The following DPP6 variants were observed in gnomAD, a reference collection of about 807,000 sequenced individuals.
DPP6 encodes A-type potassium channel modulatory protein DPP6.
In DPP6, 69 loss-of-function variants were observed where a neutral mutation model predicts 122.6. That is an observed-to-expected ratio of 0.56 (90% CI 0.46 to 0.69). DPP6 has a LOEUF of 0.69. DPP6 is among the 30% of genes least tolerant of loss of function. DPP6 has a pLI of 0.00. For synonymous variants in DPP6, 418 were observed against 433.1 expected (o/e 0.97, Z 0.43); for missense variants, 928 against 1,116.9 (o/e 0.83, Z 2.41).
At chr7:153,844,342 T>C in the DPP6 span, among the ~76,000 whole-genome samples, 6,807 of 152,252 alleles carry the variant, frequency 0.045, 340 homozygotes, top group East Asian at 0.24. Flanking sequence ...TTGAAGAATA[T>C]TTTTTTCCAA....
chr7:154,654,544 G>A (rs1837118218), intron 6 of DPP6, among the ~76,000 whole-genome samples: 1 of 151,822 alleles, frequency 6.6e-6, no homozygotes, highest in Admixed American at 6.6e-5. Context: ...TCAGCCTCCT[G>A]AGTAGCTGGG....
rs183350729 is a variant in DPP6, at chr7:153,982,983, C to G, written c.51+95249C>G. On this transcript the variant is annotated intron_variant, in intron 1 of 25. Transcript: ENST00000404039. ...CTCTCCTGTATGAGGTGTCTATCGA[C>G]CTCTGCTGGGAGGTGTCTCCCCGTC... Among the ~76,000 whole-genome samples the G allele has an allele frequency of 3.9e-3, 593 of 152,320 alleles. 3 individuals are homozygous for G. The highest frequency in any genetic ancestry group is 0.013 in the African/African-American group (558 of 41,578).
intron 2 of DPP6, among the ~76,000 whole-genome samples, chr7:154,456,143 A>G (rs1820808838): frequency 6.6e-6 from 1 of 152,208 alleles, no homozygotes; most frequent in Admixed American, 6.5e-5. Flanking sequence ...AATTCTGTAA[A>G]ATGAACTAAG....
intron 7 of DPP6, among the ~76,000 whole-genome samples, chr7:154,684,408 A>G (rs1839473291): frequency 2.0e-5 from 3 of 152,230 alleles, no homozygotes. Flanking sequence ...GACTGTTAGT[A>G]AGCATTAAAT....
rs553755873 is a variant in DPP6, at chr7:154,455,201, T to C, written c.358+8873T>C. ...ACTTCCTCTGTCATGGAGGAAATAGTTTTCTGAGTAGTTCCTTTCGGTTCC... is the reference window on the plus strand; with the variant it reads ...ACTTCCTCTGTCATGGAGGAAATAGCTTTCTGAGTAGTTCCTTTCGGTTCC... On this transcript the variant is annotated intron_variant, in intron 2 of 25. Transcript: ENST00000377770. Among the ~76,000 whole-genome samples the C allele has an allele frequency of 2.0e-5, 3 of 152,218 alleles. No homozygotes were observed. In the South Asian group the frequency reaches 6.2e-4, roughly 32 times the overall value.
intron 16 of DPP6, among the ~76,000 whole-genome samples, chr7:154,835,035 G>A (rs968696477): frequency 1.3e-5 from 2 of 152,174 alleles, no homozygotes; most frequent in Admixed American, 1.3e-4. Context: ...ACCAAATGGA[G>A]CTCTTCTGAC....
chr7:153,874,252 GCACACACACACACA>G, the DPP6 span, among the ~76,000 whole-genome samples: 3 of 150,092 alleles, frequency 2.0e-5, no homozygotes, highest in Admixed American at 2.0e-4. Context: ...GTGCGCACAT[GCACACACACACACA>G]CACACACACA....
chr7:154,683,617 A>G (rs1327628316), intron 7 of DPP6, among the ~76,000 whole-genome samples: 2 of 152,158 alleles, frequency 1.3e-5, no homozygotes. Context: ...ATGCAAATAT[A>G]ATCATGTCCA....
At chr7:153,846,938 C>T in the DPP6 span, among the ~76,000 whole-genome samples, 3 of 152,062 alleles carry the variant, frequency 2.0e-5, no homozygotes, top group East Asian at 1.9e-4. Context: ...CCGCCCGCCT[C>T]GGCCTCCCAA....
rs772492779 is a variant in DPP6 at position 154,892,699 on chromosome 7, C to T, written c.*219C>T. On this transcript the variant is annotated 3_prime_UTR_variant, in exon 26 of 26. Coordinates refer to ENST00000377770, the MANE Select transcript of DPP6 (RefSeq NM_130797.4). ...TCCATGGCACCAGGGACAACGCTGT[C>T]CCCGCAGCAGCGCCTCCTCCCGGCG... The T allele has an allele frequency of 2.0e-6, 2 of 1,004,364 alleles. No individual in the cohort carries two copies. The highest frequency in any genetic ancestry group is 3.5e-5 in the Admixed American group (2 of 57,154). 62.2% of individuals were successfully genotyped at this position (1,004,364 alleles called of 1,614,324 possible). A position where few individuals can be genotyped will look rare whatever the true frequency, so the allele number is the denominator to read the frequency against.
Position 154,837,687 on chromosome 7 carries a change from T to C in DPP6, c.1667-16093T>C, listed in dbSNP as rs1200440809. Among the ~76,000 whole-genome samples, 6 of 152,242 alleles carry C rather than the reference T, an allele frequency of 3.9e-5. No individual in the cohort carries two copies. In the South Asian group the frequency reaches 8.3e-4, roughly 21 times the overall value. ...TTGTATAGTGTGGCCCTTTATCTTCTGAAAGAATGAGACTTTGTGTTCCGC... is the reference window on the plus strand; with the variant it reads ...TTGTATAGTGTGGCCCTTTATCTTCCGAAAGAATGAGACTTTGTGTTCCGC... On this transcript the variant is annotated intron_variant, in intron 16 of 25. Coordinates refer to ENST00000377770, the MANE Select transcript of DPP6 (RefSeq NM_130797.4).
In DPP6 at chr7:154,727,824, C is replaced by G; in HGVS notation, c.820C>G (p.Arg274Gly). Reference protein sequence around the residue: ...YCAHVGKQAIRVVSTGKEGVI... With the variant: ...YCAHVGKQAIGVVSTGKEGVI... ...TGCACATGTCGGGAAACAGGCCATCCGTGTGGTCTCCACTGGCAAGGAAGG... is the reference window on the plus strand; with the variant it reads ...TGCACATGTCGGGAAACAGGCCATCGGTGTGGTCTCCACTGGCAAGGAAGG... The change falls in exon 8 of 26, where the codon CGT (arginine) becomes GGT (glycine). Residue 274 changes from arginine (R) to glycine (G), a missense_variant. Coordinates refer to ENST00000377770, the MANE Select transcript of DPP6 (RefSeq NM_130797.4). The G allele has an allele frequency of 6.2e-7, 1 of 1,613,904 alleles. No homozygotes were observed. The highest frequency in any genetic ancestry group is 8.5e-7 in the Non-Finnish European group (1 of 1,179,856).
intron 2 of DPP6, among the ~76,000 whole-genome samples, chr7:154,448,503 C>G (rs1820078682): frequency 6.6e-6 from 1 of 152,076 alleles, no homozygotes; most frequent in East Asian, 1.9e-4. Context: ...ACAATACTCC[C>G]TAAACTGATG....
At chr7:153,990,256 G>T (rs533541954) in intron 1 of DPP6, among the ~76,000 whole-genome samples, 168 of 79,218 alleles carry the variant, frequency 2.1e-3, no homozygotes, top group African/African-American at 0.012. Flanking sequence ...AGCCCCACCT[G>T]CTTCCAGCCT....
chr7:154,091,867 C>T (rs1393929396), intron 1 of DPP6, among the ~76,000 whole-genome samples: 1 of 152,230 alleles, frequency 6.6e-6, no homozygotes, highest in Admixed American at 6.5e-5. Flanking sequence ...ATAAACTGTC[C>T]AAAGCAAGGT....
chr7:154,466,502 T>TTC (rs1359167509), intron 2 of DPP6, among the ~76,000 whole-genome samples: 7 of 152,236 alleles, frequency 4.6e-5, no homozygotes, highest in Non-Finnish European at 8.8e-5. Context: ...TCCCTGCTTT[T>TTC]TCTCTGTGAG....
chr7:154,881,731 G>A (rs1805404315), intron 21 of DPP6, among the ~76,000 whole-genome samples: 1 of 152,162 alleles, frequency 6.6e-6, no homozygotes, highest in African/African-American at 2.4e-5. Context: ...CTGGAGACCC[G>A]GCCCTGCCCT....
At chr7:154,234,982 T>G (rs1801119959) in intron 1 of DPP6, among the ~76,000 whole-genome samples, 1 of 152,234 alleles carries the variant, frequency 6.6e-6, no homozygotes, top group South Asian at 2.1e-4. Context: ...AGATGGCCAT[T>G]GTATGATGGG....
intron 7 of DPP6, among the ~76,000 whole-genome samples, chr7:154,723,997 A>G (rs1841945742): frequency 6.6e-6 from 1 of 152,202 alleles, no homozygotes; most frequent in Non-Finnish European, 1.5e-5. Context: ...AGGACAATTT[A>G]TAGCTTAGGA....
Sources: gnomAD v4.1 joint callset for allele counts (sites outside exome capture counted in the v4.1 genomes callset) on GRCh38, gnomAD v4.1.1 for gene constraint, MANE v1.5 for transcripts, NCBI Gene and HGNC (gene_info 2026-07-23, HGNC 2026-07-21) for gene names.